SORCS1: variants seen among roughly 807,000 people sequenced by gnomAD.
SORCS1 encodes the protein sortilin related VPS10 domain containing receptor 1.
In SORCS1, 60 loss-of-function variants were observed where a neutral mutation model predicts 146.1. The ratio of observed to expected loss-of-function variants is 0.41; its 90% CI spans 0.33 to 0.51. The LOEUF (loss-of-function observed/expected upper bound fraction) is 0.51, where lower values mean the gene tolerates loss of function less well. Ranked by LOEUF, SORCS1 falls within the 20% of genes least tolerant of loss-of-function variation. The pLI, the probability that SORCS1 is intolerant of heterozygous loss-of-function variation, is 0.21. For synonymous variants in SORCS1, 637 were observed against 584.0 expected, an observed-to-expected ratio of 1.09 and a Z score of -1.31; for missense variants, 1,352 against 1,487.6, an observed-to-expected ratio of 0.91 and a Z score of 1.50.
At position 107,028,836 on chromosome 10, in the gene SORCS1, T is replaced by G. The variant is rs542081596; in HGVS notation, c.559-72256A>C. Among the ~76,000 whole-genome samples the G allele has an allele frequency of 3.3e-5, 5 of 152,324 alleles. No individual in the cohort carries two copies. The South Asian group carries it at 1.0e-3, about 32-fold the overall frequency. On this transcript the variant is annotated intron_variant, in intron 1 of 25. Transcript: ENST00000263054. ...GGCATCACAGATTGCATATGCTTAC[T>G]TCTAAATCAAGGAAGAAGGAAGTAG... is the stretch of plus-strand genomic sequence containing the variant.
At chr10:106,639,670 A>T (rs1255262270) in intron 18 of SORCS1, among the ~76,000 whole-genome samples, 1 of 152,202 alleles carries the variant, frequency 6.6e-6, no homozygotes, top group Non-Finnish European at 1.5e-5. Flanking sequence ...TGGAGTAAGG[A>T]ATAACATAGG....
chr10:106,725,845 G>C (rs569667797), intron 6 of SORCS1, among the ~76,000 whole-genome samples: 1 of 126,196 alleles, frequency 7.9e-6, no homozygotes, highest in Non-Finnish European at 1.8e-5. Flanking sequence ...GCAGGAGGAT[G>C]GCTTGAACCC....
intron 1 of SORCS1, among the ~76,000 whole-genome samples, chr10:106,962,450 A>C (rs1265878955): frequency 6.6e-6 from 1 of 151,618 alleles, no homozygotes; most frequent in Non-Finnish European, 1.5e-5. Context: ...ATGGGGACAT[A>C]TCTCTTCACT....
upstream of SORCS1, among the ~76,000 whole-genome samples, chr10:107,169,607 C>T (rs1264232103): frequency 1.3e-5 from 2 of 152,152 alleles, no homozygotes; most frequent in Non-Finnish European, 2.9e-5. Flanking sequence ...TTTGTGTACC[C>T]TCTGTCTCAT....
At chr10:106,908,038 G>A (rs1951988109) in intron 2 of SORCS1, among the ~76,000 whole-genome samples, 1 of 152,018 alleles carries the variant, frequency 6.6e-6, no homozygotes, top group African/African-American at 2.4e-5. Flanking sequence ...CTCAGCATAT[G>A]GTGCCTTAAG....
intron 18 of SORCS1, among the ~76,000 whole-genome samples, chr10:106,651,103 A>T (rs977832227): frequency 6.6e-6 from 1 of 152,160 alleles, no homozygotes; most frequent in Non-Finnish European, 1.5e-5. Context: ...AGAGGCACAC[A>T]TCAAGGAGAT....
At chr10:107,047,926 T>C (rs76654134) in intron 1 of SORCS1, among the ~76,000 whole-genome samples, 1 of 151,598 alleles carries the variant, frequency 6.6e-6, no homozygotes, top group Admixed American at 6.6e-5. Context: ...AAAAAAAAAA[T>C]ACAAAGAGTA....
intron 2 of SORCS1, among the ~76,000 whole-genome samples, chr10:106,906,266 C>G (rs959609459): frequency 4.4e-4 from 67 of 152,332 alleles, no homozygotes; most frequent in African/African-American, 1.6e-3. Context: ...AGGTGCCCAC[C>G]ACCACGCCTG....
intron 2 of SORCS1, among the ~76,000 whole-genome samples, chr10:106,923,403 A>G (rs865943306): frequency 2.0e-5 from 3 of 152,246 alleles, no homozygotes; most frequent in African/African-American, 4.8e-5. Flanking sequence ...CACTTACCAA[A>G]GGACATCTTA....
At chr10:107,178,589 C>T in the SORCS1 span, among the ~76,000 whole-genome samples, 7 of 151,924 alleles carry the variant, frequency 4.6e-5, no homozygotes, top group African/African-American at 1.7e-4. Flanking sequence ...ACCTCTACTT[C>T]CCGGGTTCAA....
At chr10:106,744,167 C>T (rs1203913690) in intron 5 of SORCS1, among the ~76,000 whole-genome samples, 6 of 152,102 alleles carry the variant, frequency 3.9e-5, no homozygotes, top group African/African-American at 1.2e-4. Flanking sequence ...TGCAGTGGCG[C>T]GATCTCAGCT....
At chr10:107,005,749 C>A (rs549352934) in intron 1 of SORCS1, among the ~76,000 whole-genome samples, 1 of 152,122 alleles carries the variant, frequency 6.6e-6, no homozygotes, top group South Asian at 2.1e-4. Flanking sequence ...TGGGACCATA[C>A]AATATTTTAA....
intron 25 of SORCS1, 80 bp from the exon 26 acceptor site, chr10:106,577,635 A>G (rs1844648768): frequency 1.3e-6 from 2 of 1,581,862 alleles, no homozygotes; most frequent in Non-Finnish European, 8.6e-7. Context: ...ATGTGCTGCG[A>G]TATCTTCCTG....
intron 2 of SORCS1, among the ~76,000 whole-genome samples, chr10:106,863,081 C>A (rs530940286): frequency 6.6e-6 from 1 of 152,134 alleles, no homozygotes; most frequent in Non-Finnish European, 1.5e-5. Context: ...CCCAAACAAA[C>A]AAACAAAACA....
At chr10:106,975,996 A>G (rs776771476) in intron 1 of SORCS1, among the ~76,000 whole-genome samples, 3 of 151,896 alleles carry the variant, frequency 2.0e-5, no homozygotes, top group Non-Finnish European at 2.9e-5. Flanking sequence ...AACAATACAA[A>G]AATTGGCGGG....
chr10:107,014,680 G>T (rs1957825449), intron 1 of SORCS1, among the ~76,000 whole-genome samples: 1 of 152,198 alleles, frequency 6.6e-6, no homozygotes, highest in South Asian at 2.1e-4. Flanking sequence ...AATGCTGGAG[G>T]TGGAACCCAG....
intron 1 of SORCS1, among the ~76,000 whole-genome samples, chr10:106,975,247 C>A (rs1235104990): frequency 1.3e-5 from 2 of 152,182 alleles, no homozygotes; most frequent in African/African-American, 4.8e-5. Context: ...CTTCCAGTTT[C>A]TTTTAGGTAG....
chr10:106,914,242 C>A (rs1233638865), intron 2 of SORCS1, among the ~76,000 whole-genome samples: 1 of 151,872 alleles, frequency 6.6e-6, no homozygotes, highest in Non-Finnish European at 1.5e-5. Flanking sequence ...GTTTCTTATG[C>A]TGTTTTTTTT....
chr10:106,591,006 C>T (rs7904227), intron 24 of SORCS1, among the ~76,000 whole-genome samples: 2,177 of 152,140 alleles, frequency 0.014, 64 homozygotes, highest in African/African-American at 0.05. Flanking sequence ...AATGCATACA[C>T]GAGAGATGGG....
Sources: allele counts gnomAD v4.1 joint callset (sites outside exome capture counted in the v4.1 genomes callset), GRCh38; gene constraint gnomAD v4.1.1; transcripts MANE v1.5; gene names NCBI Gene and HGNC (gene_info 2026-07-23, HGNC 2026-07-21).